The following NR2F1-AS1 variants were observed in gnomAD, a reference collection of about 807,000 sequenced individuals.
NR2F1-AS1 encodes the protein NR2F1 regulatory antisense RNA 1.
intron 4 of NR2F1-AS1, among the ~76,000 whole-genome samples, chr5:93,486,472 G>A (rs559905546): frequency 3.3e-5 from 5 of 151,996 alleles, no homozygotes; most frequent in South Asian, 2.1e-4. Context: ...ACACCTCTAC[G>A]CAAATAAACT....
intron 4 of NR2F1-AS1, among the ~76,000 whole-genome samples, chr5:93,446,911 C>T (rs1224272895): frequency 6.6e-6 from 1 of 152,072 alleles, no homozygotes; most frequent in Non-Finnish European, 1.5e-5. Context: ...CATCTACAAC[C>T]ATCTGATCTT....
intron 4 of NR2F1-AS1, chr5:93,409,925 A>T (rs1748816633): frequency 1.3e-5 from 2 of 152,132 alleles, no homozygotes; most frequent in South Asian, 4.1e-4. Flanking sequence ...TGGCAGCTTA[A>T]TTAAGAAGTC....
intron 1 of NR2F1-AS1, among the ~76,000 whole-genome samples, chr5:93,566,923 T>C (rs1355784814): frequency 6.6e-6 from 1 of 152,058 alleles, no homozygotes; most frequent in Non-Finnish European, 1.5e-5. Flanking sequence ...ATTTTAATCA[T>C]ATTACATTAA....
chr5:93,493,207 A>T (rs940319753), intron 4 of NR2F1-AS1, among the ~76,000 whole-genome samples: 1 of 152,168 alleles, frequency 6.6e-6, no homozygotes, highest in Non-Finnish European at 1.5e-5. Context: ...AGGGTATAAG[A>T]TCAACACACA....
Position 93,443,882 on chromosome 5 carries a change from TG to T in NR2F1-AS1, n.639-48341del, listed in dbSNP as rs1375869990. 2.0e-5 allele frequency among the ~76,000 whole-genome samples: 3 copies of T among 152,166 alleles called. No individual in the cohort carries two copies. In the East Asian group the frequency reaches 5.8e-4, roughly 29 times the overall value. On this transcript the variant is annotated intron_variant and non_coding_transcript_variant, in intron 4 of 5. Transcript: ENST00000660523. Reference sequence around the variant, plus strand: ...AGAAACTCTACAAGCCAGAAGAGAGTGGGGGCCAATATTCAACATTCTTAAG... The same window carrying T: ...AGAAACTCTACAAGCCAGAAGAGAGTGGGGCCAATATTCAACATTCTTAAG...
chr5:93,441,279 A>C (rs1749562982), intron 4 of NR2F1-AS1, among the ~76,000 whole-genome samples: 1 of 152,202 alleles, frequency 6.6e-6, no homozygotes, highest in Admixed American at 6.5e-5. Context: ...TCCTTTCCAA[A>C]GACCTGAGGT....
intron 4 of NR2F1-AS1, among the ~76,000 whole-genome samples, chr5:93,491,054 C>T (rs376972867): frequency 2.5e-3 from 230 of 91,752 alleles, no homozygotes; most frequent in African/African-American, 9.3e-3. Context: ...GTGGTGGTGG[C>T]GGTGGTGGTC....
intron 4 of NR2F1-AS1, among the ~76,000 whole-genome samples, chr5:93,498,489 G>T (rs932520445): frequency 1.3e-5 from 2 of 152,002 alleles, no homozygotes; most frequent in African/African-American, 4.8e-5. Context: ...CCTCAAAGAA[G>T]AATTTTTCTG....
intron 4 of NR2F1-AS1, among the ~76,000 whole-genome samples, chr5:93,445,720 T>C (rs1043319332): frequency 1.3e-5 from 2 of 152,190 alleles, no homozygotes; most frequent in African/African-American, 4.8e-5. Context: ...ATCATCCTGA[T>C]ACCAAAGCCT....
chr5:93,468,359 G>GT (rs1297395762), intron 4 of NR2F1-AS1, among the ~76,000 whole-genome samples: 2 of 151,844 alleles, frequency 1.3e-5, no homozygotes, highest in Non-Finnish European at 2.9e-5. Flanking sequence ...GCATGAGATG[G>GT]TATCTCATTG....
intron 4 of NR2F1-AS1, among the ~76,000 whole-genome samples, chr5:93,472,400 A>G (rs184672645): frequency 8.6e-4 from 130 of 151,984 alleles, no homozygotes; most frequent in East Asian, 1.7e-3. Flanking sequence ...GTGCCAGGAA[A>G]TAGTAGGTGT....
chr5:93,422,812 T>G (rs1749115375), intron 4 of NR2F1-AS1, among the ~76,000 whole-genome samples: 1 of 152,154 alleles, frequency 6.6e-6, no homozygotes, highest in African/African-American at 2.4e-5. Flanking sequence ...TTCTTTCACA[T>G]TTCAAAGGTC....
chr5:93,415,347 A>T (rs1244650183), intron 4 of NR2F1-AS1, among the ~76,000 whole-genome samples: 1 of 152,208 alleles, frequency 6.6e-6, no homozygotes, highest in Non-Finnish European at 1.5e-5. Flanking sequence ...ACAGTACCTG[A>T]ATATAGTAAG....
At chr5:93,458,550 TAA>T (rs1244950851) in intron 4 of NR2F1-AS1, among the ~76,000 whole-genome samples, 2 of 152,048 alleles carry the variant, frequency 1.3e-5, no homozygotes, top group Admixed American at 6.6e-5. Flanking sequence ...GATTTAAATA[TAA>T]GAGTAGAAAG....
chr5:93,520,407 A>G (rs1021999113), intron 4 of NR2F1-AS1, among the ~76,000 whole-genome samples: 1 of 152,132 alleles, frequency 6.6e-6, no homozygotes, highest in Non-Finnish European at 1.5e-5. Flanking sequence ...TCAAAGAAAC[A>G]TTCCTTTAAA....
chr5:93,421,138 T>A (rs1331890422), intron 4 of NR2F1-AS1, among the ~76,000 whole-genome samples: 1 of 152,152 alleles, frequency 6.6e-6, no homozygotes, highest in Admixed American at 6.5e-5. Context: ...CATTCTACCA[T>A]ATGCCCCAAA....
At chr5:93,481,367 ATAAAG>A (rs369642062) in intron 4 of NR2F1-AS1, among the ~76,000 whole-genome samples, 2 of 152,256 alleles carry the variant, frequency 1.3e-5, no homozygotes, top group African/African-American at 4.8e-5. Flanking sequence ...CTGAGAATAT[ATAAAG>A]TAAATAGTGA....
At chr5:93,427,031 C>G (rs1291189037) in intron 4 of NR2F1-AS1, among the ~76,000 whole-genome samples, 1 of 152,168 alleles carries the variant, frequency 6.6e-6, no homozygotes, top group Admixed American at 6.5e-5. Flanking sequence ...GACAAGACTA[C>G]TGAAGAGTTA....
At chr5:93,541,353 CT>C (rs1361830813) in intron 4 of NR2F1-AS1, among the ~76,000 whole-genome samples, 2 of 152,214 alleles carry the variant, frequency 1.3e-5, no homozygotes, top group East Asian at 1.9e-4. Flanking sequence ...TCTCACTATA[CT>C]TTTTCCTCCT....
Sources: allele counts gnomAD v4.1 joint callset (sites outside exome capture counted in the v4.1 genomes callset), GRCh38; gene constraint gnomAD v4.1.1; transcripts MANE v1.5; gene names NCBI Gene and HGNC (gene_info 2026-07-23, HGNC 2026-07-21).